ADAM12: variants seen among roughly 807,000 people sequenced by gnomAD.
ADAM12 encodes the protein ADAM metallopeptidase domain 12, also known as disintegrin and metalloproteinase domain-containing protein 12.
ADAM12 carries 70 observed loss-of-function variants against 106.4 expected under a neutral mutation model. The observed-to-expected ratio is 0.66, with a 90% CI of 0.54 to 0.80. ADAM12 has a LOEUF of 0.80. Ranked by LOEUF, ADAM12 falls within the 30% of genes least tolerant of loss-of-function variation. The pLI is 0.00. For synonymous variants in ADAM12, 420 were observed against 433.5 expected (o/e 0.97, Z 0.39); for missense variants, 1,010 against 1,171.9 (o/e 0.86, Z 2.02).
chr10:126,068,548 A>G (rs1446019998), intron 12 of ADAM12, among the ~76,000 whole-genome samples: 1 of 152,236 alleles, frequency 6.6e-6, no homozygotes, highest in Non-Finnish European at 1.5e-5. Context: ...AAACAAGGAG[A>G]TAAGGCTGCT....
At chr10:126,147,638 TC>T (rs1752755957) in intron 4 of ADAM12, among the ~76,000 whole-genome samples, 1 of 152,208 alleles carries the variant, frequency 6.6e-6, no homozygotes. Flanking sequence ...CTCCTCAGCC[TC>T]CAGCTGTTGG....
intron 5 of ADAM12, among the ~76,000 whole-genome samples, chr10:126,128,187 C>T (rs1242366702): frequency 6.6e-6 from 1 of 152,090 alleles, no homozygotes; most frequent in Non-Finnish European, 1.5e-5. Flanking sequence ...CTTGTGTGAG[C>T]TTCCCATGAG....
At chr10:126,375,456 C>T (rs1856254207) in intron 1 of ADAM12, among the ~76,000 whole-genome samples, 1 of 151,894 alleles carries the variant, frequency 6.6e-6, no homozygotes, top group Admixed American at 6.6e-5. Flanking sequence ...CAATGAAGGG[C>T]ACTAAACCAT....
chr10:126,170,386 A>G (rs1369263686), intron 3 of ADAM12, among the ~76,000 whole-genome samples: 1 of 151,212 alleles, frequency 6.6e-6, no homozygotes, highest in Non-Finnish European at 1.5e-5. Flanking sequence ...TGAGGCTACC[A>G]TGAAATGTGC....
intron 3 of ADAM12, among the ~76,000 whole-genome samples, chr10:126,164,674 A>C (rs1185652940): frequency 6.6e-6 from 1 of 152,194 alleles, no homozygotes; most frequent in Non-Finnish European, 1.5e-5. Context: ...CAGGTAAATA[A>C]ATATAGAGAA....
intron 2 of ADAM12, among the ~76,000 whole-genome samples, chr10:126,305,549 C>T (rs1311270979): frequency 6.6e-6 from 1 of 152,002 alleles, no homozygotes; most frequent in Non-Finnish European, 1.5e-5. Context: ...TATTTAATGT[C>T]TTGATTTGGG....
chr10:126,121,006 T>C (rs143950534), intron 5 of ADAM12, among the ~76,000 whole-genome samples: 9,064 of 124,334 alleles, frequency 0.073, 1,024 homozygotes, highest in African/African-American at 0.22. Flanking sequence ...ATATTACATA[T>C]GCAATATAAT....
chr10:126,368,243 A>G (rs1855984614), intron 1 of ADAM12, among the ~76,000 whole-genome samples: 1 of 151,946 alleles, frequency 6.6e-6, no homozygotes, highest in Non-Finnish European at 1.5e-5. Context: ...GACTACAACT[A>G]ATCAGGCTAC....
chr10:126,329,515 A>G (rs1412381013), intron 2 of ADAM12, among the ~76,000 whole-genome samples: 2 of 152,192 alleles, frequency 1.3e-5, no homozygotes. Context: ...TGTATATTCA[A>G]TTTGCAACAA....
chr10:126,093,961 G>A (rs372238350), intron 11 of ADAM12, 24 bp downstream of exon 11: 111 of 1,613,366 alleles, frequency 6.9e-5, no homozygotes, highest in Non-Finnish European at 8.7e-5. Context: ...CACTGTCAAA[G>A]CAGATGGAAG....
intron 1 of ADAM12, among the ~76,000 whole-genome samples, chr10:126,356,585 A>C (rs1479028049): frequency 6.6e-6 from 1 of 152,268 alleles, no homozygotes; most frequent in Non-Finnish European, 1.5e-5. Flanking sequence ...AGCATTACAA[A>C]GATTCAGAAA....
chr10:126,145,235 G>A (rs1255467485), intron 4 of ADAM12, among the ~76,000 whole-genome samples: 2 of 152,154 alleles, frequency 1.3e-5, no homozygotes, highest in Non-Finnish European at 2.9e-5. Context: ...TTGGAGTGAT[G>A]CACTTAGTGA....
intron 3 of ADAM12, among the ~76,000 whole-genome samples, chr10:126,269,509 C>A (rs912580399): frequency 1.6e-4 from 24 of 152,148 alleles, no homozygotes; most frequent in African/African-American, 5.8e-4. Flanking sequence ...AAGAGACAGG[C>A]CATAACGACC....
intron 14 of ADAM12, among the ~76,000 whole-genome samples, chr10:126,056,192 G>A (rs1252568956): frequency 6.6e-6 from 1 of 152,194 alleles, no homozygotes; most frequent in Non-Finnish European, 1.5e-5. Flanking sequence ...ATTCATTTGA[G>A]CTTTCACCCA....
In ADAM12 at chr10:126,042,592, G is replaced by T. The variant is rs533245764; in HGVS notation, c.2104+448C>A. ...CATCATTCCATATGCAAAAGCTGTT[G>T]CAATGACTCCCACTGCTGCCGTGAC... On this transcript the variant is annotated intron_variant, in intron 18 of 22. Coordinates refer to ENST00000448723, the MANE Select transcript of ADAM12 (RefSeq NM_001288973.2). 6.6e-5 allele frequency among the ~76,000 whole-genome samples: 10 copies of T among 152,310 alleles called. No individual in the cohort carries two copies. In the East Asian group the frequency reaches 1.9e-3, roughly 29 times the overall value.
At chr10:126,177,376 T>C (rs1957239027) in intron 3 of ADAM12, among the ~76,000 whole-genome samples, 1 of 152,182 alleles carries the variant, frequency 6.6e-6, no homozygotes, top group Non-Finnish European at 1.5e-5. Flanking sequence ...GTCATGCTAA[T>C]ATTTAATAAG....
chr10:126,351,523 C>A (rs528250885), intron 1 of ADAM12, among the ~76,000 whole-genome samples: 1 of 152,302 alleles, frequency 6.6e-6, no homozygotes, highest in East Asian at 1.9e-4. Context: ...CCTGGCCACA[C>A]TGGAGGGGAG....
rs144529634 is a variant in ADAM12, at chr10:126,094,023, C to T, written c.1107G>A (p.Ala369=). The T allele has an allele frequency of 1.1e-4, 171 of 1,614,168 alleles. No individual in the cohort carries two copies. The highest frequency in any genetic ancestry group is 4.6e-4 in the South Asian group (42 of 91,080). ...TCATGATGCAGCCTCCTTTCTCAAC[C>T]GCCATTTGACAGCTACAGCCCCTGT... The part of the protein sequence containing the change: ...TLDRGCSCQM[A]VEKGGCIMNA... The change falls in exon 11 of 23, where the codon GCG becomes GCA. Residue 369 remains alanine (A), a synonymous_variant. Transcript: ENST00000448723.
chr10:126,335,821 G>A (rs1403810490), intron 1 of ADAM12, among the ~76,000 whole-genome samples: 2 of 152,114 alleles, frequency 1.3e-5, no homozygotes, highest in Admixed American at 6.5e-5. Context: ...TGGATGGTAC[G>A]ACCCTTGACG....
Sources: allele counts gnomAD v4.1 joint callset (sites outside exome capture counted in the v4.1 genomes callset), GRCh38; gene constraint gnomAD v4.1.1; transcripts MANE v1.5; gene names NCBI Gene and HGNC (gene_info 2026-07-23, HGNC 2026-07-21).